GPHN: variants seen among roughly 807,000 people sequenced by gnomAD.
GPHN encodes the protein gephyrin.
In GPHN, 17 loss-of-function variants were observed where a neutral mutation model predicts 95.5. That is an observed-to-expected ratio of 0.18 (90% CI 0.12 to 0.27). The LOEUF (loss-of-function observed/expected upper bound fraction) is 0.27. GPHN is among the 10% of genes least tolerant of loss of function. The pLI is 1.00. For missense variants in GPHN, 660 were observed against 978.1 expected (o/e 0.67, Z 4.34); for synonymous variants, 320 against 322.5 (o/e 0.99, Z 0.08).
chr14:67,360,717 C>G, the GPHN span: 1 of 152,992 alleles, frequency 6.5e-6, no homozygotes, highest in African/African-American at 2.4e-5. Context: ...ATTGTACAGC[C>G]TCTACAATAT....
the GPHN span, chr14:67,333,989 T>C: frequency 6.6e-6 from 1 of 152,638 alleles, no homozygotes; most frequent in Non-Finnish European, 1.5e-5. Context: ...TGTATATTAA[T>C]ATTTAATAGA....
the GPHN span, among the ~76,000 whole-genome samples, chr14:67,506,938 C>G: frequency 6.6e-6 from 1 of 152,022 alleles, no homozygotes; most frequent in Non-Finnish European, 1.5e-5. Context: ...GAGCTGAGAT[C>G]GTGCCACTGC....
At chr14:67,140,949 A>C (rs767503572) in intron 17 of GPHN, among the ~76,000 whole-genome samples, 6 of 151,240 alleles carry the variant, frequency 4.0e-5, no homozygotes, top group Non-Finnish European at 8.8e-5. Context: ...ATGTTTGCCC[A>C]ACTAGTTTAA....
At chr14:67,191,495 G>T in the GPHN span, among the ~76,000 whole-genome samples, 1 of 152,200 alleles carries the variant, frequency 6.6e-6, no homozygotes, top group Non-Finnish European at 1.5e-5. Flanking sequence ...TGGCTTTTCA[G>T]ATTCCCACTC....
intron 1 of GPHN, among the ~76,000 whole-genome samples, chr14:66,542,937 A>G (rs982658094): frequency 2.0e-5 from 3 of 152,228 alleles, no homozygotes; most frequent in African/African-American, 7.2e-5. Flanking sequence ...TCTGCAGGCC[A>G]TACAGGAAGC....
At chr14:67,061,770 C>G (rs1485599857) in intron 11 of GPHN, among the ~76,000 whole-genome samples, 1 of 152,114 alleles carries the variant, frequency 6.6e-6, no homozygotes, top group Non-Finnish European at 1.5e-5. Context: ...CCTTAGCCTC[C>G]CAAAGTACTA....
At chr14:66,679,681 T>C (rs1369726999) in intron 1 of GPHN, among the ~76,000 whole-genome samples, 2 of 152,214 alleles carry the variant, frequency 1.3e-5, no homozygotes. Flanking sequence ...TATATTCAAA[T>C]TCACTAATCT....
At chr14:66,658,254 C>G (rs893288063) in intron 1 of GPHN, among the ~76,000 whole-genome samples, 2 of 152,016 alleles carry the variant, frequency 1.3e-5, no homozygotes, top group Non-Finnish European at 2.9e-5. Flanking sequence ...AGATGAGGAG[C>G]TTTTTCTTAT....
At chr14:67,294,093 A>G in the GPHN span, among the ~76,000 whole-genome samples, 10,559 of 152,280 alleles carry the variant, frequency 0.069, 541 homozygotes, top group Non-Finnish European at 0.11. Flanking sequence ...AAAAAGATCA[A>G]TTTTGAATAT....
intron 2 of GPHN, among the ~76,000 whole-genome samples, chr14:66,761,971 A>G (rs1343366868): frequency 6.6e-6 from 1 of 152,138 alleles, no homozygotes; most frequent in Non-Finnish European, 1.5e-5. Context: ...GGTAGAGCAT[A>G]CTTTATTTTT....
intron 4 of GPHN, among the ~76,000 whole-genome samples, chr14:66,870,973 G>T (rs1171547988): frequency 6.6e-6 from 1 of 152,098 alleles, no homozygotes; most frequent in African/African-American, 2.4e-5. Context: ...GTGAAATGAG[G>T]CATTCAAAGT....
the GPHN span, among the ~76,000 whole-genome samples, chr14:67,374,258 A>G: frequency 2.0e-5 from 3 of 152,216 alleles, no homozygotes; most frequent in East Asian, 3.8e-4. Flanking sequence ...AAATATTCCA[A>G]AATCTGAAAT....
At chr14:66,527,423 G>C (rs980737375) in intron 1 of GPHN, among the ~76,000 whole-genome samples, 2 of 150,952 alleles carry the variant, frequency 1.3e-5, no homozygotes, top group African/African-American at 4.9e-5. Flanking sequence ...ACAGCTCCTG[G>C]ATTCATTAAT....
intron 1 of GPHN, among the ~76,000 whole-genome samples, chr14:66,513,996 G>C (rs1900798880): frequency 6.6e-6 from 1 of 151,882 alleles, no homozygotes; most frequent in Admixed American, 6.6e-5. Context: ...AAATAAAGCA[G>C]CAAGGAAATG....
At chr14:67,020,461 C>G (rs2073554421) in intron 9 of GPHN, among the ~76,000 whole-genome samples, 2 of 152,006 alleles carry the variant, frequency 1.3e-5, no homozygotes, top group Admixed American at 6.6e-5. Context: ...GGCATTTTCA[C>G]TTTTGTTCCT....
the GPHN span, among the ~76,000 whole-genome samples, chr14:67,541,273 T>C: frequency 3.9e-5 from 6 of 152,240 alleles, no homozygotes; most frequent in African/African-American, 1.4e-4. Flanking sequence ...TAATTAGCTA[T>C]GTGACCTTGG....
At chr14:67,167,044 G>A (rs934448367) in intron 20 of GPHN, among the ~76,000 whole-genome samples, 3 of 152,180 alleles carry the variant, frequency 2.0e-5, no homozygotes, top group East Asian at 1.9e-4. Context: ...CCCTAATCTC[G>A]ACAAGTTTTA....
At chr14:67,633,716 G>A in the GPHN span, among the ~76,000 whole-genome samples, 2 of 152,198 alleles carry the variant, frequency 1.3e-5, no homozygotes, top group African/African-American at 4.8e-5. Context: ...TTTAGGACCT[G>A]GGCCTTGCCC....
intron 2 of GPHN, among the ~76,000 whole-genome samples, chr14:66,706,246 G>A (rs1033577453): frequency 6.6e-6 from 1 of 151,990 alleles, no homozygotes; most frequent in Non-Finnish European, 1.5e-5. Context: ...CCAAAGTAAT[G>A]TATAGATTCA....
Sources: allele counts gnomAD v4.1 joint callset (sites outside exome capture counted in the v4.1 genomes callset), GRCh38; gene constraint gnomAD v4.1.1; transcripts MANE v1.5; gene names NCBI Gene and HGNC (gene_info 2026-07-23, HGNC 2026-07-21).